Variants in NKIRAS1 observed in about 807,000 individuals in gnomAD.
The protein encoded by NKIRAS1 is NFKB inhibitor interacting Ras like 1.
In NKIRAS1, 16 loss-of-function variants were observed where a neutral mutation model predicts 19.8. The ratio of observed to expected loss-of-function variants is 0.81; its 90% CI spans 0.55 to 1.23. The LOEUF (loss-of-function observed/expected upper bound fraction) is 1.23, where lower values mean the gene tolerates loss of function less well. Ranked by LOEUF, NKIRAS1 falls within the 50% of genes most tolerant of loss-of-function variation. NKIRAS1 has a pLI of 0.00. For synonymous variants in NKIRAS1, 88 were observed against 79.0 expected (o/e 1.11, Z -0.61); for missense variants, 184 against 220.0 (o/e 0.84, Z 1.04).
chr3:23,901,360 C>A (rs761112982), intron 3 of NKIRAS1, among the ~76,000 whole-genome samples: 6 of 151,826 alleles, frequency 4.0e-5, no homozygotes, highest in Non-Finnish European at 1.5e-5. Context: ...AATTCTTGTA[C>A]TTTTTGTAGA....
At chr3:23,932,318 C>G (rs1705332722) in intron 1 of NKIRAS1, among the ~76,000 whole-genome samples, 1 of 152,146 alleles carries the variant, frequency 6.6e-6, no homozygotes, top group Admixed American at 6.6e-5. Flanking sequence ...AAATGATATA[C>G]AGAGGTCCCT....
chr3:23,915,092 T>G (rs1337733676), intron 1 of NKIRAS1, among the ~76,000 whole-genome samples: 1 of 152,154 alleles, frequency 6.6e-6, no homozygotes, highest in Non-Finnish European at 1.5e-5. Flanking sequence ...CATACAAGAA[T>G]TTTGCGGGGG....
upstream of NKIRAS1, chr3:23,919,118 T>A (rs1309676859): frequency 3.1e-6 from 3 of 965,498 alleles, no homozygotes; most frequent in African/African-American, 1.6e-5. Context: ...TGAACTAGAG[T>A]TGAGAATTAA....
chr3:23,918,760 G>T (rs1575120200), upstream of NKIRAS1: 1 of 704,578 alleles, frequency 1.4e-6, no homozygotes, highest in East Asian at 2.8e-5. Context: ...AAATGCGTGT[G>T]TATATACTGG....
chr3:23,945,989 G>T, intron 1 of NKIRAS1: 1 of 555,548 alleles, frequency 1.8e-6, no homozygotes, highest in South Asian at 7.5e-5. Context: ...TCGGCTCCCT[G>T]ACCCACATTC....
At chr3:23,938,333 CT>C (rs1404957293) in intron 1 of NKIRAS1, among the ~76,000 whole-genome samples, 2 of 151,898 alleles carry the variant, frequency 1.3e-5, no homozygotes, top group Non-Finnish European at 2.9e-5. Context: ...TCTCAGCTGC[CT>C]GGGTAGCTGG....
upstream of NKIRAS1, among the ~76,000 whole-genome samples, chr3:23,921,438 A>G (rs1705074927): frequency 6.6e-6 from 1 of 152,198 alleles, no homozygotes; most frequent in South Asian, 2.1e-4. Flanking sequence ...TAATGCCTTT[A>G]TGATGGGAAA....
rs1332882911 is a variant in NKIRAS1 at position 23,890,729 on chromosome 3, C to G, written c.*2366G>C. The G allele has an allele frequency of 1.2e-6, 1 of 820,676 alleles. No individual in the cohort carries two copies. The highest frequency in any genetic ancestry group is 1.8e-6 in the Non-Finnish European group (1 of 563,894). 50.8% of individuals were successfully genotyped at this position (820,676 alleles called of 1,614,324 possible). ...GGGTATTTCTATAACAGATATTATT[C>G]AGTCTTATTTCCTAAGATTTTGTTG... On this transcript the variant is annotated 3_prime_UTR_variant, in exon 5 of 5. Transcript: ENST00000425478.
chr3:23,937,666 C>T (rs996040866), intron 1 of NKIRAS1, among the ~76,000 whole-genome samples: 8 of 151,368 alleles, frequency 5.3e-5, no homozygotes, highest in Admixed American at 2.0e-4. Flanking sequence ...ATTTGTTGAA[C>T]TGTCATGCAA....
intron 4 of NKIRAS1, among the ~76,000 whole-genome samples, chr3:23,893,987 T>C (rs891296308): frequency 6.6e-6 from 1 of 152,018 alleles, no homozygotes; most frequent in African/African-American, 2.4e-5. Flanking sequence ...ACATAGTACT[T>C]CAAAACAAGA....
intron 1 of NKIRAS1, among the ~76,000 whole-genome samples, chr3:23,934,979 A>G (rs537443745): frequency 1.3e-5 from 2 of 152,182 alleles, no homozygotes; most frequent in Non-Finnish European, 2.9e-5. Flanking sequence ...ATTGCTCAGC[A>G]GGACCCGCTC....
chr3:23,940,307 A>C (rs545461402), intron 1 of NKIRAS1, among the ~76,000 whole-genome samples: 1 of 151,962 alleles, frequency 6.6e-6, no homozygotes, highest in African/African-American at 2.4e-5. Context: ...TGATTGCACC[A>C]CTGTACTGCA....
At chr3:23,943,232 C>T (rs753776075) in intron 1 of NKIRAS1, among the ~76,000 whole-genome samples, 2 of 152,162 alleles carry the variant, frequency 1.3e-5, no homozygotes, top group South Asian at 4.1e-4. Context: ...TCCAGTTTTG[C>T]CTTTTCTTCC....
At chr3:23,940,536 G>C (rs567259545) in intron 1 of NKIRAS1, among the ~76,000 whole-genome samples, 2 of 152,070 alleles carry the variant, frequency 1.3e-5, no homozygotes, top group Admixed American at 6.6e-5. Flanking sequence ...TGATCTTGTT[G>C]GTGTCAATGG....
chr3:23,937,097 A>C (rs966316583), intron 1 of NKIRAS1, among the ~76,000 whole-genome samples: 1 of 152,156 alleles, frequency 6.6e-6, no homozygotes, highest in Non-Finnish European at 1.5e-5. Context: ...GTAGGATAGA[A>C]AATTTAGGAG....
intron 1 of NKIRAS1, among the ~76,000 whole-genome samples, chr3:23,945,888 C>G (rs1705672079): frequency 6.6e-6 from 1 of 150,876 alleles, no homozygotes; most frequent in South Asian, 2.1e-4. Context: ...TTCGGCGGCG[C>G]GCGGGCGCCG....
At position 23,892,884 on chromosome 3, in the gene NKIRAS1, A is replaced by G; in HGVS notation, c.*211T>C. 2.8e-6 allele frequency: 1 copy of G among 361,814 alleles called. No homozygotes were observed. Among genetic ancestry groups the G allele is most frequent in the African/African-American group, 2.1e-5 (1 of 47,918 alleles). The allele number at this position is 361,814 out of a possible 1,614,324, so 22.4% of individuals were successfully genotyped here. A position where few individuals can be genotyped will look rare whatever the true frequency, so the allele number is the denominator to read the frequency against. On this transcript the variant is annotated 3_prime_UTR_variant, in exon 5 of 5. Transcript: ENST00000425478. ...TTTCAAAGACAGGTTTCAAACAATG[A>G]GAATAAGAATATATTATTTCATATC...
At chr3:23,901,155 T>A in intron 3 of NKIRAS1, 106 bp from the exon 4 acceptor site, 1 of 1,151,148 alleles carries the variant, frequency 8.7e-7, no homozygotes. Flanking sequence ...ATTTACCACA[T>A]ATAATAATCA....
intron 4 of NKIRAS1, among the ~76,000 whole-genome samples, chr3:23,899,293 GT>G (rs1395811223): frequency 2.0e-5 from 3 of 152,138 alleles, no homozygotes; most frequent in African/African-American, 7.2e-5. Context: ...ATGTACTAGA[GT>G]TTTGAAGATG....
Sources: gnomAD v4.1 joint callset for allele counts (sites outside exome capture counted in the v4.1 genomes callset) on GRCh38, gnomAD v4.1.1 for gene constraint, MANE v1.5 for transcripts, NCBI Gene and HGNC (gene_info 2026-07-23, HGNC 2026-07-21) for gene names.